Variants in ABCF1 observed in about 807,000 individuals in gnomAD.
The protein encoded by ABCF1 is ATP-binding cassette sub-family F member 1.
In ABCF1, 73 loss-of-function variants were observed where a neutral mutation model predicts 126.3. That is an observed-to-expected ratio of 0.58 (90% CI 0.48 to 0.70). ABCF1 has a LOEUF of 0.70. ABCF1 is among the 30% of genes least tolerant of loss of function. The probability of loss-of-function intolerance (pLI) is 0.00; values close to 1 mark genes in which losing one functional copy is unlikely to be tolerated. For synonymous variants in ABCF1, 345 were observed against 396.4 expected (o/e 0.87, Z 1.54); for missense variants, 786 against 1,057.5 (o/e 0.74, Z 3.56).
Position 30,589,676 on chromosome 6 carries a change from C to T in ABCF1, c.2032-12C>T. ...CTTGCCCTCCTCTTAACTACTTTGT[C>T]TTCCCTTGCAGACCCATGGGGAAAT... On this transcript the variant is annotated splice_polypyrimidine_tract_variant and intron_variant, in intron 20 of 24. Coordinates refer to ENST00000326195, the MANE Select transcript of ABCF1 (RefSeq NM_001025091.2). 1 of 1,613,486 alleles carries T rather than the reference C, an allele frequency of 6.2e-7. No individual in the cohort carries two copies. The highest frequency in any genetic ancestry group is 8.5e-7 in the Non-Finnish European group (1 of 1,179,942).
Position 30,589,736 on chromosome 6 carries a change from G to C in ABCF1, c.2064+16G>C. ...CCACCGGCTGGTAAGTTGGCATTGG[G>C]ATTTAGGGAATGATAATCTGATGGA... On this transcript the variant is annotated intron_variant, in intron 21 of 24. Coordinates refer to ENST00000326195, the MANE Select transcript of ABCF1 (RefSeq NM_001025091.2). 1 of 1,614,212 alleles carries C rather than the reference G, an allele frequency of 6.2e-7. No individual in the cohort carries two copies. The highest frequency in any genetic ancestry group is 8.5e-7 in the Non-Finnish European group (1 of 1,180,020).
rs1000479465 is a variant in ABCF1, at chr6:30,586,002, G to T, written c.1713+11G>T. ...TCCACCAAGCAGGCGGTGAGCACCT[G>T]AGGGACTTCTGGGCTGGGGGCCACT... On this transcript the variant is annotated intron_variant, in intron 17 of 24. Transcript: ENST00000326195. This position sits in a 1 kb window ranked among gnomAD's most constrained non-coding sequence, Gnocchi z 4.9. 6 of 1,604,754 alleles carry T rather than the reference G, an allele frequency of 3.7e-6. No individual in the cohort carries two copies. In the African/African-American group the frequency reaches 6.7e-5, roughly 18 times the overall value.
At chr6:30,578,722 C>A in intron 6 of ABCF1, 145 bp downstream of exon 6, 1 of 833,700 alleles carries the variant, frequency 1.2e-6, no homozygotes, top group Non-Finnish European at 1.9e-6. Flanking sequence ...CATGCCCAGG[C>A]TGGGCACAGT....
chr6:30,580,142 C>G, intron 7 of ABCF1, 137 bp downstream of exon 7: 1 of 812,696 alleles, frequency 1.2e-6, no homozygotes, highest in Non-Finnish European at 1.9e-6. Flanking sequence ...GTCAGGAGAT[C>G]GAGACCATCC....
intron 1 of ABCF1, among the ~76,000 whole-genome samples, 158 bp from the exon 2 acceptor site, chr6:30,577,251 T>C (rs1334090246): frequency 6.6e-6 from 1 of 152,226 alleles, no homozygotes; most frequent in Non-Finnish European, 1.5e-5. Context: ...GAATGATTAT[T>C]TCTGCAGGAG....
In ABCF1 at chr6:30,586,176, T is replaced by C. The variant is rs758709196; in HGVS notation, c.1756T>C (p.Cys586Arg). The C allele has an allele frequency of 8.7e-6, 14 of 1,613,956 alleles. No homozygotes were observed. The highest frequency in any genetic ancestry group is 1.2e-5 in the Non-Finnish European group (14 of 1,179,924). The change falls in exon 18 of 25, where the codon TGC becomes CGC. Residue 586 changes from cysteine (C) to arginine (R), a missense_variant. This residue lies in a region of ABCF1 where 288 missense variants were observed against 423.5 expected (regional missense o/e 0.68). Transcript: ENST00000326195. The surrounding 1 kb of genome is among the most constrained non-coding windows in gnomAD (Gnocchi z 4.9). ...KEALTRKQQK[C>R]RRKNQDEESQ... ...AGCCCTGACTCGGAAGCAGCAGAAA[T>C]GCCGACGGAAAAACCAAGATGAGGA...
chr6:30,585,123 C>A, intron 14 of ABCF1, 137 bp from the exon 15 acceptor site: 4 of 792,156 alleles, frequency 5.0e-6, no homozygotes, highest in South Asian at 3.0e-5. Flanking sequence ...TAAACCGTAT[C>A]CTGCCCGAGA....
In ABCF1 at chr6:30,584,283, G is replaced by C. The variant is rs1801992610; in HGVS notation, c.1194G>C (p.Gln398His). The C allele has an allele frequency of 6.2e-7, 1 of 1,613,102 alleles. No homozygotes were observed. The highest frequency in any genetic ancestry group is 1.7e-5 in the Admixed American group (1 of 60,016). Residue 398 changes from glutamine to histidine, a missense_variant, in exon 13 of 25, where the codon CAG (glutamine) becomes CAC (histidine). Physicochemically the swap from Gln to His is conservative, Grantham distance 24. Around this residue, in one of 4 missense-constraint regions of ABCF1, gnomAD observed 163 missense variants for 255.3 expected, o/e 0.64. Coordinates refer to ENST00000326195, the MANE Select transcript of ABCF1 (RefSeq NM_001025091.2). The surrounding 1 kb of genome is among the most constrained non-coding windows in gnomAD (Gnocchi z 4.6). ...LKLLEEERRL[Q>H]GQLEQGDDTA... is the part of the protein sequence containing the mutation. ...TGCTGGAAGAGGAGCGGCGGCTTCA[G>C]GGACAGCTGGAACAAGGGGATGACA... is the stretch of plus-strand genomic sequence containing the variant.
At position 30,591,285 on chromosome 6, in the gene ABCF1, A is replaced by C. The variant is rs1802442242; in HGVS notation, c.*584A>C. ...ACTTGAATTTCCCTTTACAAGGGGA[A>C]GAAATAAAGGAAAGGAGTTGCTGCC... is the stretch of plus-strand genomic sequence containing the variant. On this transcript the variant is annotated 3_prime_UTR_variant, in exon 25 of 25. Coordinates refer to ENST00000326195, the MANE Select transcript of ABCF1 (RefSeq NM_001025091.2). 1.3e-5 allele frequency: 2 copies of C among 152,430 alleles called. No homozygotes were observed. Among genetic ancestry groups the C allele is most frequent in the Admixed American group, 1.3e-4 (2 of 15,278 alleles). 9.4% of individuals were successfully genotyped at this position (152,430 alleles called of 1,614,324 possible).
intron 1 of ABCF1, among the ~76,000 whole-genome samples, chr6:30,575,710 A>G (rs1178243955): frequency 3.3e-5 from 5 of 152,126 alleles, no homozygotes; most frequent in Non-Finnish European, 5.9e-5. Context: ...CAAGTAAGGC[A>G]TAGACTGAGG....
intron 3 of ABCF1, 25 bp downstream of exon 3, chr6:30,577,938 A>G (rs1362923652): frequency 6.2e-7 from 1 of 1,613,520 alleles, no homozygotes; most frequent in Non-Finnish European, 8.5e-7. Flanking sequence ...GGGCCCACCA[A>G]TCCTGGGAGG....
rs1001902395 is a variant in ABCF1, at chr6:30,583,498, C to T, written c.916-110C>T. The T allele has an allele frequency of 1.0e-5, 12 of 1,152,284 alleles. No individual in the cohort carries two copies. The African/African-American group carries it at 1.5e-4, about 15-fold the overall frequency. 71.4% of individuals were successfully genotyped at this position (1,152,284 alleles called of 1,614,324 possible). Reference sequence around the variant, plus strand: ...AGGAAGGGGATTATGCTGGAGGTAGCGGTTTGTCAGAGGCTTCCCTGCAGG... The same window carrying T: ...AGGAAGGGGATTATGCTGGAGGTAGTGGTTTGTCAGAGGCTTCCCTGCAGG... On this transcript the variant is annotated intron_variant, in intron 10 of 24. Coordinates refer to ENST00000326195, the MANE Select transcript of ABCF1 (RefSeq NM_001025091.2). The surrounding 1 kb of genome is among the most constrained non-coding windows in gnomAD (Gnocchi z 4.1).
intron 1 of ABCF1, among the ~76,000 whole-genome samples, chr6:30,576,868 C>G (rs965087279): frequency 6.6e-6 from 1 of 152,214 alleles, no homozygotes; most frequent in African/African-American, 2.4e-5. Flanking sequence ...CATACCAAAC[C>G]TTTCCCTGTC....
chr6:30,577,999 A>T (rs1421312178), intron 3 of ABCF1, 77 bp from the exon 4 acceptor site: 1 of 1,613,528 alleles, frequency 6.2e-7, no homozygotes, highest in Non-Finnish European at 8.5e-7. Context: ...CATTCAGCTG[A>T]TGGGGAACCC....
rs1393241042 is a variant in ABCF1, at chr6:30,585,256, C to T, written c.1392-4C>T. Reference sequence around the variant, plus strand: ...GACCCTGCCCTCTGCTACCCACCCTCTAGGGCACTGTTCATGGAGCCCACA... The same window carrying T: ...GACCCTGCCCTCTGCTACCCACCCTTTAGGGCACTGTTCATGGAGCCCACA... On this transcript the variant is annotated splice_region_variant and splice_polypyrimidine_tract_variant and intron_variant, in intron 14 of 24. Coordinates refer to ENST00000326195, the MANE Select transcript of ABCF1 (RefSeq NM_001025091.2). The T allele has an allele frequency of 6.2e-7, 1 of 1,613,072 alleles. No individual in the cohort carries two copies. Among genetic ancestry groups the T allele is most frequent in the Admixed American group, 1.7e-5 (1 of 60,024 alleles).
chr6:30,575,220 C>G (rs1801438218), intron 1 of ABCF1, among the ~76,000 whole-genome samples: 2 of 151,800 alleles, frequency 1.3e-5, no homozygotes, highest in Non-Finnish European at 2.9e-5. Context: ...CATGCGTGCT[C>G]TGCCACGCCC....
At position 30,578,064 on chromosome 6, in the gene ABCF1, T is replaced by G. The variant is rs200404543; in HGVS notation, c.217-12T>G. ...GGGCTTCATTTTCTCACTGTTCTTTTGCTCTCAGCAGCAAAAAAAAAAGCG... is the reference window on the plus strand; with the variant it reads ...GGGCTTCATTTTCTCACTGTTCTTTGGCTCTCAGCAGCAAAAAAAAAAGCG... On this transcript the variant is annotated splice_polypyrimidine_tract_variant and intron_variant, in intron 3 of 24. Coordinates refer to ENST00000326195, the MANE Select transcript of ABCF1 (RefSeq NM_001025091.2). 53 of 1,613,792 alleles carry G rather than the reference T, an allele frequency of 3.3e-5. No homozygotes were observed. In the African/African-American group the frequency reaches 6.9e-4, roughly 21 times the overall value.
Position 30,578,336 on chromosome 6 carries a change from C to T in ABCF1, c.344-12C>T, listed in dbSNP as rs753647634. 4.7e-5 allele frequency: 76 copies of T among 1,613,892 alleles called. No individual in the cohort carries two copies. Among genetic ancestry groups the T allele is most frequent in the Non-Finnish European group, 6.4e-5 (75 of 1,179,972 alleles). On this transcript the variant is annotated splice_polypyrimidine_tract_variant and intron_variant, in intron 4 of 24. Transcript: ENST00000326195. ...TTCTTTCCTATCTCATGTTCTCCCC[C>T]TGTCATTTCAGTACCCGCCCCAAAA...
chr6:30,584,055 G>A lies in ABCF1; in HGVS notation c.1103-137G>A, dbSNP rs1228559229. 1.4e-6 allele frequency: 2 copies of A among 1,413,380 alleles called. No individual in the cohort carries two copies. Among genetic ancestry groups the A allele is most frequent in the Non-Finnish European group, 1.9e-6 (2 of 1,042,628 alleles). The allele number at this position is 1,413,380 out of a possible 1,614,324, so 87.6% of individuals were successfully genotyped here. On this transcript the variant is annotated intron_variant, in intron 12 of 24. Coordinates refer to ENST00000326195, the MANE Select transcript of ABCF1 (RefSeq NM_001025091.2). This position sits in a 1 kb window ranked among gnomAD's most constrained non-coding sequence, Gnocchi z 4.6. Reference sequence around the variant, plus strand: ...AGGAAAGGAGGGGAGGGTCAATGAGGAACTTGAGAGTGTTTTATTTGGAAC... The same window carrying A: ...AGGAAAGGAGGGGAGGGTCAATGAGAAACTTGAGAGTGTTTTATTTGGAAC...
Sources: gnomAD v4.1 joint callset for allele counts (sites outside exome capture counted in the v4.1 genomes callset) on GRCh38, gnomAD v4.1.1 for gene constraint, gnomAD v4.1.1 regional missense constraint, Gnocchi (gnomAD v3.1) non-coding constraint, MANE v1.5 for transcripts, NCBI Gene and HGNC (gene_info 2026-07-23, HGNC 2026-07-21) for gene names.